EMID1: variants seen among roughly 807,000 people sequenced by gnomAD.
EMID1 encodes EMI domain-containing protein 1.
EMID1 carries 40 observed loss-of-function variants against 60.6 expected under a neutral mutation model. The observed-to-expected ratio is 0.66, with a 90% CI of 0.51 to 0.86. The LOEUF is 0.86. Among genes scored for constraint, EMID1 ranks in the 40% least tolerant of loss-of-function variants. The pLI is 0.00. For synonymous variants in EMID1, 242 were observed against 231.0 expected, an observed-to-expected ratio of 1.05 and a Z score of -0.43; for missense variants, 585 against 597.1, an observed-to-expected ratio of 0.98 and a Z score of 0.21.
At chr22:29,258,712 C>G (rs1319114008) in intron 14 of EMID1, 105 bp from the exon 15 acceptor site, 2 of 1,490,126 alleles carry the variant, frequency 1.3e-6, no homozygotes, top group Non-Finnish European at 1.8e-6. Context: ...TGGATTATAC[C>G]TGGCAGAGCG....
In EMID1 at chr22:29,257,767, G is replaced by A. The variant is rs568710359; in HGVS notation, c.1205-1050G>A. ...GTGAAAATGGGACTATTATGCCCAC[G>A]TTCCAGATGACGCTCAGAGGTTCTA... is the stretch of plus-strand genomic sequence containing the variant. On this transcript the variant is annotated intron_variant, in intron 14 of 14. Transcript: ENST00000334018. 3.9e-5 allele frequency among the ~76,000 whole-genome samples: 6 copies of A among 152,212 alleles called. No individual in the cohort carries two copies. The East Asian group carries it at 5.8e-4, about 15-fold the overall frequency.
intron 5 of EMID1, among the ~76,000 whole-genome samples, chr22:29,230,012 T>C (rs1300827385): frequency 1.3e-5 from 2 of 152,218 alleles, no homozygotes; most frequent in African/African-American, 2.4e-5. Flanking sequence ...TTCTATTTCA[T>C]GTCAGACTCT....
In EMID1 at chr22:29,245,736, C is replaced by T. The variant is rs1280087792; in HGVS notation, c.1119+2247C>T. On this transcript the variant is annotated intron_variant, in intron 13 of 14. Transcript: ENST00000334018. ...GTGACACCTGGTGGTCATGATAGTG[C>T]ACTGCAGGAACTGGAGTGACTGTGC... Among the ~76,000 whole-genome samples, 5 of 152,194 alleles carry T rather than the reference C, an allele frequency of 3.3e-5. No homozygotes were observed. The East Asian group carries it at 9.6e-4, about 29-fold the overall frequency.
Position 29,259,020 on chromosome 22 carries a change from C to A in EMID1, c.*76C>A. On this transcript the variant is annotated 3_prime_UTR_variant, in exon 15 of 15. Transcript: ENST00000334018. The stretch of plus-strand genomic sequence containing the variant: ...GGACTCGGCCAGCTGCCTCCAGGGA[C>A]CGCCCGTCCATATTTATTAATGTCC... 1 of 1,540,854 alleles carries A rather than the reference C, an allele frequency of 6.5e-7. No homozygotes were observed. Among genetic ancestry groups the A allele is most frequent in the Middle Eastern group, 1.8e-4 (1 of 5,480 alleles).
intron 6 of EMID1, 71 bp downstream of exon 6, chr22:29,231,211 T>A: frequency 6.6e-7 from 1 of 1,522,764 alleles, no homozygotes. Context: ...GGGATTCTGG[T>A]CCCCACCCTG....
intron 14 of EMID1, 195 bp downstream of exon 14, chr22:29,254,482 G>A (rs1436148259): frequency 3.4e-6 from 2 of 583,722 alleles, no homozygotes; most frequent in South Asian, 1.9e-5. Context: ...GTGCAGGGGT[G>A]CCCTAGAAAC....
chr22:29,252,970 A>T (rs893978487), intron 13 of EMID1, among the ~76,000 whole-genome samples: 1 of 152,192 alleles, frequency 6.6e-6, no homozygotes, highest in African/African-American at 2.4e-5. Flanking sequence ...AAGTTCTCCA[A>T]AAGCAATGTA....
chr22:29,258,300 CCT>C (rs1309492838), intron 14 of EMID1, among the ~76,000 whole-genome samples: 5 of 152,104 alleles, frequency 3.3e-5, no homozygotes, highest in African/African-American at 7.2e-5. Flanking sequence ...CGGAACTGTC[CCT>C]GTTTCAGAGA....
At position 29,213,400 on chromosome 22, in the gene EMID1, C is replaced by A. The variant is rs553427623; in HGVS notation, c.102-1526C>A. Among the ~76,000 whole-genome samples the A allele has an allele frequency of 2.0e-5, 3 of 152,340 alleles. No individual in the cohort carries two copies. The East Asian group carries it at 5.8e-4, about 29-fold the overall frequency. On this transcript the variant is annotated intron_variant, in intron 1 of 14. Coordinates refer to ENST00000334018, the MANE Select transcript of EMID1 (RefSeq NM_133455.4). ...CTTCATGGGCCAAACTGAACCATCC[C>A]TTCTCCCAGCCTTCCCACCTCCAGG...
At chr22:29,257,763 C>T (rs964884250) in intron 14 of EMID1, among the ~76,000 whole-genome samples, 3 of 152,216 alleles carry the variant, frequency 2.0e-5, no homozygotes, top group African/African-American at 7.2e-5. Flanking sequence ...ACTATTATGC[C>T]CACGTTCCAG....
At chr22:29,252,876 G>C (rs1270452526) in intron 13 of EMID1, among the ~76,000 whole-genome samples, 1 of 152,218 alleles carries the variant, frequency 6.6e-6, no homozygotes, top group African/African-American at 2.4e-5. Flanking sequence ...GGTGAGCACT[G>C]TTTTCCAGGC....
At position 29,225,161 on chromosome 22, in the gene EMID1, C is replaced by T; in HGVS notation, c.348C>T (p.Pro116=). ...CAGCTTCCTCTGCCTCCTTGGAGCC[C>T]ATGTGGTCGGGCAGTACCATGCGGC... ...EVAASSASLE[P]MWSGSTMRRM... is the part of the protein sequence containing the mutation. The change falls in exon 4 of 15, where the codon CCC becomes CCT. Residue 116 remains proline (P), a synonymous_variant. Transcript: ENST00000334018. 1 of 1,614,004 alleles carries T rather than the reference C, an allele frequency of 6.2e-7. No homozygotes were observed. Among genetic ancestry groups the T allele is most frequent in the Non-Finnish European group, 8.5e-7 (1 of 1,180,022 alleles).
chr22:29,255,682 T>C (rs2041678899), intron 14 of EMID1: 1 of 234,638 alleles, frequency 4.3e-6, no homozygotes, highest in East Asian at 8.1e-5. Flanking sequence ...TGAGCTACAC[T>C]GCAGGAAAGG....
chr22:29,228,695 A>G (rs997747171), intron 5 of EMID1, among the ~76,000 whole-genome samples: 1 of 152,204 alleles, frequency 6.6e-6, no homozygotes, highest in Non-Finnish European at 1.5e-5. Flanking sequence ...CCTGGGCTCA[A>G]GCTATCCTCC....
chr22:29,214,238 G>A (rs1418118642), intron 1 of EMID1, among the ~76,000 whole-genome samples: 1 of 152,164 alleles, frequency 6.6e-6, no homozygotes, highest in Non-Finnish European at 1.5e-5. Context: ...TTAATTCAGC[G>A]TGACAGGTGT....
At chr22:29,250,539 G>T (rs557653616) in intron 13 of EMID1, among the ~76,000 whole-genome samples, 1 of 150,788 alleles carries the variant, frequency 6.6e-6, no homozygotes, top group Non-Finnish European at 1.5e-5. Flanking sequence ...GCCAGGAATG[G>T]CTTCATGGAA....
chr22:29,206,286 A>G, intron 1 of EMID1, 147 bp downstream of exon 1: 1 of 630,576 alleles, frequency 1.6e-6, no homozygotes, highest in Non-Finnish European at 2.2e-6. Flanking sequence ...GGTCCGGCTG[A>G]GGCTCCCGCG....
At position 29,258,874 on chromosome 22, in the gene EMID1, G is replaced by A. The variant is rs745649323; in HGVS notation, c.1262G>A (p.Arg421Gln). The A allele has an allele frequency of 1.1e-5, 17 of 1,613,198 alleles. No homozygotes were observed. Among genetic ancestry groups the A allele is most frequent in the Non-Finnish European group, 1.2e-5 (14 of 1,179,750 alleles). ...GGCACAGGCACCCCCAGCCTCCTTCGGGGCAAGAGGGGCGGACATGCAACC... is the reference window on the plus strand; with the variant it reads ...GGCACAGGCACCCCCAGCCTCCTTCAGGGCAAGAGGGGCGGACATGCAACC... ...PAGTGTPSLL[R>Q]GKRGGHATNY... Residue 421 changes from arginine (R) to glutamine (Q), a missense_variant, in exon 15 of 15, where the codon CGG becomes CAG. By Grantham distance (43) the Arg-to-Gln change is conservative. Coordinates refer to ENST00000334018, the MANE Select transcript of EMID1 (RefSeq NM_133455.4).
Position 29,206,020 on chromosome 22 carries a change from G to C in EMID1, c.-19G>C, listed in dbSNP as rs148143023. ...GCGGCGACCGCGAGGGGCCGCGCGCGGAGGGCGCCTGGTGCAGCATGGGCG... is the reference window on the plus strand; with the variant it reads ...GCGGCGACCGCGAGGGGCCGCGCGCCGAGGGCGCCTGGTGCAGCATGGGCG... On this transcript the variant is annotated 5_prime_UTR_variant, in exon 1 of 15. Transcript: ENST00000334018. 53 of 1,213,472 alleles carry C rather than the reference G, an allele frequency of 4.4e-5. No homozygotes were observed. The African/African-American group carries it at 7.2e-4, about 17-fold the overall frequency. 75.2% of individuals were successfully genotyped at this position (1,213,472 alleles called of 1,614,324 possible).
Sources: allele counts gnomAD v4.1 joint callset (sites outside exome capture counted in the v4.1 genomes callset), GRCh38; gene constraint gnomAD v4.1.1; transcripts MANE v1.5; gene names NCBI Gene and HGNC (gene_info 2026-07-23, HGNC 2026-07-21).